The following ATP9B variants were observed in gnomAD, a reference collection of about 807,000 sequenced individuals.
ATP9B encodes ATPase phospholipid transporting 9B.
ATP9B carries 110 observed loss-of-function variants against 146.1 expected under a neutral mutation model. The observed-to-expected ratio is 0.75, with a 90% CI of 0.65 to 0.88. ATP9B has a LOEUF of 0.88. Among genes scored for constraint, ATP9B ranks in the 40% least tolerant of loss-of-function variants. The pLI is 0.00. For synonymous variants in ATP9B, 604 were observed against 569.7 expected, an observed-to-expected ratio of 1.06 and a Z score of -0.86; for missense variants, 1,499 against 1,496.4, an observed-to-expected ratio of 1.00 and a Z score of -0.03.
At chr18:79,152,705 A>G (rs1457613083) in intron 6 of ATP9B, among the ~76,000 whole-genome samples, 2 of 152,016 alleles carry the variant, frequency 1.3e-5, no homozygotes, top group East Asian at 1.9e-4. Flanking sequence ...GTAATTCTAG[A>G]TAGATTTTTG....
chr18:79,263,888 T>C (rs1164555995), intron 12 of ATP9B, among the ~76,000 whole-genome samples: 1 of 152,108 alleles, frequency 6.6e-6, no homozygotes, highest in Non-Finnish European at 1.5e-5. Context: ...ATCGAGACCA[T>C]CCTGGCTAAC....
At chr18:79,245,188 G>C (rs916550105) in intron 11 of ATP9B, among the ~76,000 whole-genome samples, 13 of 152,158 alleles carry the variant, frequency 8.5e-5, no homozygotes, top group Non-Finnish European at 1.6e-4. Context: ...TGTGTGTTTA[G>C]ATAGTAAGGG....
rs868589147 is a variant in ATP9B at position 79,253,390 on chromosome 18, T to C, written c.1117T>C (p.Leu373=). Residue 373 remains leucine (L), a synonymous_variant, in exon 12 of 30, where the codon TTG becomes CTG. Coordinates refer to ENST00000426216, the MANE Select transcript of ATP9B (RefSeq NM_198531.5). ...TGTGTTTTTCTTTCAGGTTGGTTTG[T>C]TGGACCTTGAACTCAATCGGCTGAC... ...TSNPKNKVGL[L]DLELNRLTKA... 1 of 1,607,644 alleles carries C rather than the reference T, an allele frequency of 6.2e-7. No homozygotes were observed. The highest frequency in any genetic ancestry group is 8.5e-7 in the Non-Finnish European group (1 of 1,178,440).
rs1295086548 is a variant in ATP9B, at chr18:79,288,000, G to A, written c.1411+10804G>A. On this transcript the variant is annotated intron_variant, in intron 13 of 29. Coordinates refer to ENST00000426216, the MANE Select transcript of ATP9B (RefSeq NM_198531.5). ...TGAGAGACAGTTTGTTATAATTTCT[G>A]TTCTTTTACATTTGCTGAGGAGAGC... is the stretch of plus-strand genomic sequence containing the variant. 5.9e-5 allele frequency among the ~76,000 whole-genome samples: 9 copies of A among 151,864 alleles called. No individual in the cohort carries two copies. The East Asian group carries it at 9.7e-4, about 16-fold the overall frequency.
intron 6 of ATP9B, among the ~76,000 whole-genome samples, chr18:79,151,068 G>A (rs1169631467): frequency 6.6e-6 from 1 of 152,172 alleles, no homozygotes; most frequent in Non-Finnish European, 1.5e-5. Context: ...CCCAGTTGAT[G>A]TCTTTGCAGA....
intron 25 of ATP9B, among the ~76,000 whole-genome samples, chr18:79,355,924 C>T (rs537402348): frequency 1.3e-5 from 2 of 152,130 alleles, no homozygotes; most frequent in South Asian, 4.1e-4. Flanking sequence ...CAGAGGGACT[C>T]AAGTGCCGGA....
intron 9 of ATP9B, among the ~76,000 whole-genome samples, chr18:79,202,483 C>A (rs749826068): frequency 1.1e-4 from 16 of 152,152 alleles, no homozygotes; most frequent in Non-Finnish European, 2.1e-4. Flanking sequence ...TTCAAAAAAG[C>A]AAACCTCTGC....
At chr18:79,093,765 T>C (rs1242722377) in intron 1 of ATP9B, among the ~76,000 whole-genome samples, 1 of 152,158 alleles carries the variant, frequency 6.6e-6, no homozygotes, top group African/African-American at 2.4e-5. Flanking sequence ...CTGTCTACCC[T>C]AGGATGCTTG....
chr18:79,257,841 A>G (rs879451848), intron 12 of ATP9B, among the ~76,000 whole-genome samples: 10 of 152,210 alleles, frequency 6.6e-5, no homozygotes, highest in Non-Finnish European at 1.5e-4. Context: ...AGAATGTCAC[A>G]TGATGTTCCT....
At chr18:79,255,112 C>A (rs1469005342) in intron 12 of ATP9B, 1 of 152,160 alleles carries the variant, frequency 6.6e-6, no homozygotes, top group Non-Finnish European at 1.5e-5. Flanking sequence ...GGACCCATTA[C>A]AAAGGCCCCA....
At chr18:79,245,763 G>A (rs74708188) in intron 11 of ATP9B, among the ~76,000 whole-genome samples, 48,447 of 96,440 alleles carry the variant, frequency 0.5, 9,921 homozygotes, top group African/African-American at 0.62. Context: ...GGAGGGCACC[G>A]CCCTACTGAC....
chr18:79,269,156 G>A (rs949342820), intron 12 of ATP9B, among the ~76,000 whole-genome samples: 3 of 152,168 alleles, frequency 2.0e-5, no homozygotes, highest in South Asian at 2.1e-4. Flanking sequence ...CACCTGTCGC[G>A]TCCTGCTCTG....
At chr18:79,077,588 A>T (rs529315467) in intron 1 of ATP9B, among the ~76,000 whole-genome samples, 10 of 152,338 alleles carry the variant, frequency 6.6e-5, no homozygotes, top group African/African-American at 2.4e-4. Context: ...AATGTACCAG[A>T]GGCCATTATT....
chr18:79,159,599 C>T (rs558002661), intron 7 of ATP9B, among the ~76,000 whole-genome samples: 295 of 152,284 alleles, frequency 1.9e-3, no homozygotes, highest in Non-Finnish European at 2.7e-3. Flanking sequence ...ACCCTCCCCT[C>T]AACCCCGCCA....
chr18:79,117,835 A>G (rs994046923), intron 4 of ATP9B: 1 of 152,202 alleles, frequency 6.6e-6, no homozygotes, highest in African/African-American at 2.4e-5. Flanking sequence ...GCAGTAACCT[A>G]TTCTGAATGT....
At chr18:79,247,790 C>G (rs1269385972) in intron 11 of ATP9B, among the ~76,000 whole-genome samples, 1 of 151,902 alleles carries the variant, frequency 6.6e-6, no homozygotes, top group Non-Finnish European at 1.5e-5. Context: ...TGTTAATGTT[C>G]AAGGGAAAAC....
chr18:79,187,451 C>T (rs1428872626), intron 8 of ATP9B, among the ~76,000 whole-genome samples: 1 of 152,148 alleles, frequency 6.6e-6, no homozygotes, highest in East Asian at 1.9e-4. Flanking sequence ...CTCTGCTGGC[C>T]AGAATCAGTT....
chr18:79,073,356 C>T (rs1285840992), intron 1 of ATP9B, among the ~76,000 whole-genome samples: 3 of 152,158 alleles, frequency 2.0e-5, no homozygotes, highest in South Asian at 4.1e-4. Flanking sequence ...ACTGAGTGAG[C>T]GAGACTCCGT....
intron 13 of ATP9B, among the ~76,000 whole-genome samples, chr18:79,296,371 T>C (rs563087581): frequency 6.6e-6 from 1 of 152,338 alleles, no homozygotes; most frequent in African/African-American, 2.4e-5. Context: ...GTTTCAAAAA[T>C]CAATTACTGT....
Sources: gnomAD v4.1 joint callset for allele counts (sites outside exome capture counted in the v4.1 genomes callset) on GRCh38, gnomAD v4.1.1 for gene constraint, MANE v1.5 for transcripts, NCBI Gene and HGNC (gene_info 2026-07-23, HGNC 2026-07-21) for gene names.